Variants in RASIP1 observed in about 807,000 individuals in gnomAD.
The protein encoded by RASIP1 is Ras interacting protein 1.
Under a neutral mutation model 85.3 loss-of-function variants are expected in RASIP1, and 20 were observed. That is an observed-to-expected ratio of 0.23 (90% CI 0.17 to 0.34). RASIP1 has a LOEUF of 0.34. RASIP1 is among the 10% of genes least tolerant of loss of function. RASIP1 has a pLI of 1.00. For missense variants in RASIP1, 1,170 were observed against 1,390.9 expected (o/e 0.84, Z 2.53); for synonymous variants, 617 against 647.1 (o/e 0.95, Z 0.71).
rs537989936 is a variant in RASIP1 at position 48,736,154 on chromosome 19, G to A, written c.824-603C>T. ...ATTTAGGCCGGGTGCGGTGGCTCACGCGTGTAATCCCAGCACTTTGGGAGG... is the reference window on the plus strand; with the variant it reads ...ATTTAGGCCGGGTGCGGTGGCTCACACGTGTAATCCCAGCACTTTGGGAGG... On this transcript the variant is annotated intron_variant, in intron 3 of 11. Coordinates refer to ENST00000222145, the MANE Select transcript of RASIP1 (RefSeq NM_017805.3). Among the ~76,000 whole-genome samples the A allele has an allele frequency of 6.6e-5, 10 of 151,514 alleles. No individual in the cohort carries two copies. In the South Asian group the frequency reaches 1.9e-3, roughly 28 times the overall value.
At position 48,729,370 on chromosome 19, in the gene RASIP1, C is replaced by T. The variant is rs1194995870; in HGVS notation, c.1400G>A (p.Arg467Gln). 1 of 1,557,608 alleles carries T rather than the reference C, an allele frequency of 6.4e-7. No individual in the cohort carries two copies. The highest frequency in any genetic ancestry group is 8.7e-7 in the Non-Finnish European group (1 of 1,151,246). ...PVTHNGCLLL[R>Q]EAELHPGDLL... ...GTCGCCCGGGTGCAGCTCAGCCTCC[C>T]GCAGCAGGAGGCACCCGTTGTGCGT... Residue 467 changes from arginine to glutamine, a missense_variant, in exon 5 of 12, where the codon CGG becomes CAG. By Grantham distance (43) the Arg-to-Gln change is conservative (BLOSUM62 1). Transcript: ENST00000222145.
chr19:48,721,356 G>T (rs934109552), intron 11 of RASIP1, among the ~76,000 whole-genome samples: 1 of 152,090 alleles, frequency 6.6e-6, no homozygotes, highest in South Asian at 2.1e-4. Context: ...ATGGACTAGG[G>T]ATGCGAACCC....
In RASIP1 at chr19:48,720,868, A is replaced by C; in HGVS notation, c.2822T>G (p.Leu941Arg). ...HRELRRLRRL[L>R]WDLEQQELPA... Reference sequence around the variant, plus strand: ...CAGCTCCTGCTGCTCAAGATCCCAGAGGAGGCGGCGGAGCCTACGGAGTTC... The same window carrying C: ...CAGCTCCTGCTGCTCAAGATCCCAGCGGAGGCGGCGGAGCCTACGGAGTTC... The change falls in exon 12 of 12, where the codon CTC becomes CGC. Residue 941 changes from leucine (L) to arginine (R), a missense_variant. Leu to Arg is a moderately radical substitution (Grantham distance 102). Transcript: ENST00000222145. 1 of 1,614,076 alleles carries C rather than the reference A, an allele frequency of 6.2e-7. No homozygotes were observed. Among genetic ancestry groups the C allele is most frequent in the South Asian group, 1.1e-5 (1 of 91,090 alleles).
At chr19:48,731,414 A>G (rs1182963382) in intron 4 of RASIP1, among the ~76,000 whole-genome samples, 1 of 152,184 alleles carries the variant, frequency 6.6e-6, no homozygotes, top group African/African-American at 2.4e-5. Context: ...GACGTTCTCA[A>G]TATTCCAATC....
Position 48,724,640 on chromosome 19 carries a change from C to A in RASIP1, c.2371+77G>T. On this transcript the variant is annotated intron_variant, in intron 9 of 11. Coordinates refer to ENST00000222145, the MANE Select transcript of RASIP1 (RefSeq NM_017805.3). This position sits in a 1 kb window ranked among gnomAD's most constrained non-coding sequence, Gnocchi z 4.6. The stretch of plus-strand genomic sequence containing the variant: ...GGGTACCCAAAGGTGAGGCTTGAGC[C>A]CGTGGTGTGTCTAATATGACCTGAG... 1 of 1,589,150 alleles carries A rather than the reference C, an allele frequency of 6.3e-7. No individual in the cohort carries two copies. Among genetic ancestry groups the A allele is most frequent in the Non-Finnish European group, 8.6e-7 (1 of 1,165,210 alleles).
In RASIP1 at chr19:48,739,186, C is replaced by T; in HGVS notation, c.597G>A (p.Val199=). The stretch of plus-strand genomic sequence containing the variant: ...GAGCGTCGCACAAAGCGAAGGCGTC[C>T]ACGCAGCTGCTCTCGCCGGGGCCAC... ...PGGGPGESSC[V]DAFALCDALG... is the part of the protein sequence containing the mutation. Residue 199 remains valine (V), a synonymous_variant, in exon 3 of 12, where the codon GTG becomes GTA. Coordinates refer to ENST00000222145, the MANE Select transcript of RASIP1 (RefSeq NM_017805.3). The surrounding 1 kb of genome is among the most constrained non-coding windows in gnomAD (Gnocchi z 9.2). 6.8e-7 allele frequency: 1 copy of T among 1,471,866 alleles called. No individual in the cohort carries two copies. Among genetic ancestry groups the T allele is most frequent in the South Asian group, 1.3e-5 (1 of 77,780 alleles). The allele number at this position is 1,471,866 out of a possible 1,614,324, so 91.2% of individuals were successfully genotyped here.
At chr19:48,727,682 CTTTTTTT>C (rs778318979) in intron 5 of RASIP1, among the ~76,000 whole-genome samples, 2 of 121,800 alleles carry the variant, frequency 1.6e-5, no homozygotes, top group African/African-American at 2.9e-5. Context: ...CATACGGATT[CTTTTTTT>C]TTTTTTTTTT....
At chr19:48,729,922 C>G (rs1474763312) in intron 4 of RASIP1, among the ~76,000 whole-genome samples, 1 of 151,860 alleles carries the variant, frequency 6.6e-6, no homozygotes, top group Non-Finnish European at 1.5e-5. Context: ...ACCATGTTGG[C>G]CAGGCTGGTC....
At position 48,721,881 on chromosome 19, in the gene RASIP1, G is replaced by A. The variant is rs750193414; in HGVS notation, c.2665C>T (p.Pro889Ser). The A allele has an allele frequency of 3.5e-5, 56 of 1,607,174 alleles. No individual in the cohort carries two copies. The highest frequency in any genetic ancestry group is 6.6e-5 in the South Asian group (6 of 90,570). ...GTGTCCACAGCCTCCCGCTCTGCAGGGGGAGGGTCCCACGCGGCTGGCGGC... is the reference window on the plus strand; with the variant it reads ...GTGTCCACAGCCTCCCGCTCTGCAGAGGGAGGGTCCCACGCGGCTGGCGGC... ...RGPPAAWDPP[P>S]AEREAVDTGD... Residue 889 changes from proline to serine, a missense_variant, in exon 11 of 12, where the codon CCT (proline) becomes TCT (serine). By Grantham distance (74) the Pro-to-Ser change is moderately conservative. Transcript: ENST00000222145.
intron 8 of RASIP1, 77 bp from the exon 9 acceptor site, chr19:48,725,037 T>C (rs1262457210): frequency 3.9e-6 from 6 of 1,525,408 alleles, no homozygotes; most frequent in Non-Finnish European, 5.3e-6. Context: ...AGCATGAAGA[T>C]AGTGGGGAGC....
At chr19:48,737,462 C>T (rs2122481866) in intron 3 of RASIP1, 1 of 985,430 alleles carries the variant, frequency 1.0e-6, no homozygotes, top group East Asian at 1.1e-4. Flanking sequence ...CCTTCTGTTC[C>T]AGGCCTTCCT....
At chr19:48,737,869 A>G (rs1245483279) in intron 3 of RASIP1, 1 of 983,242 alleles carries the variant, frequency 1.0e-6, no homozygotes, top group Non-Finnish European at 1.2e-6. Context: ...TCCCAAGAAC[A>G]TTGTCCGTGC....
In RASIP1 at chr19:48,724,474, C is replaced by T. The variant is rs752029089; in HGVS notation, c.2407G>A (p.Val803Ile). The change falls in exon 10 of 12, where the codon GTT (valine) becomes ATT (isoleucine). Residue 803 changes from valine to isoleucine, a missense_variant. Physicochemically the swap from Val to Ile is conservative, Grantham distance 29 (BLOSUM62 3). This residue lies in a region of RASIP1 where 426 missense variants were observed against 576.2 expected (regional missense o/e 0.74). Transcript: ENST00000222145. The surrounding 1 kb of genome is among the most constrained non-coding windows in gnomAD (Gnocchi z 4.6). ...AGGTCCAGGTTGGTTCGGATTTGAACAGCTCGGGACCATTGATAGAAAGGC... is the reference window on the plus strand; with the variant it reads ...AGGTCCAGGTTGGTTCGGATTTGAATAGCTCGGGACCATTGATAGAAAGGC... ...GRPFYQWSRA[V>I]QIRTNLDLVL... The T allele has an allele frequency of 1.2e-6, 2 of 1,614,158 alleles. No individual in the cohort carries two copies. The highest frequency in any genetic ancestry group is 4.5e-5 in the East Asian group (2 of 44,880).
chr19:48,723,058 A>T (rs963421348), intron 10 of RASIP1, among the ~76,000 whole-genome samples: 3 of 151,918 alleles, frequency 2.0e-5, no homozygotes, highest in African/African-American at 4.8e-5. Flanking sequence ...GCTAATTTTT[A>T]AAATTTTTGG....
chr19:48,727,293 C>T, intron 6 of RASIP1, 100 bp downstream of exon 6: 1 of 1,543,702 alleles, frequency 6.5e-7, no homozygotes, highest in Non-Finnish European at 8.8e-7. Context: ...CAAGGAGAAG[C>T]AGAAACTTGC....
chr19:48,726,483 C>T lies in RASIP1; in HGVS notation c.2127+302G>A, dbSNP rs111892853. On this transcript the variant is annotated intron_variant, in intron 8 of 11. Transcript: ENST00000222145. ...TCAAGTGATCCACCCGCCTTGACCTCCCAAAGTGCCGGGATTACAGATGTG... is the reference window on the plus strand; with the variant it reads ...TCAAGTGATCCACCCGCCTTGACCTTCCAAAGTGCCGGGATTACAGATGTG... Among the ~76,000 whole-genome samples the T allele has an allele frequency of 1.8e-3, 276 of 152,314 alleles. 1 individual carries two copies. Among genetic ancestry groups the T allele is most frequent in the African/African-American group, 6.2e-3 (259 of 41,564 alleles).
chr19:48,727,599 A>C (rs2033364233), intron 5 of RASIP1, among the ~76,000 whole-genome samples, 169 bp from the exon 6 acceptor site: 2 of 151,724 alleles, frequency 1.3e-5, no homozygotes, highest in South Asian at 4.2e-4. Flanking sequence ...CTGAGCTCAA[A>C]TGATCCTCCC....
chr19:48,730,049 C>G (rs937865719), intron 4 of RASIP1, among the ~76,000 whole-genome samples: 3 of 152,092 alleles, frequency 2.0e-5, no homozygotes, highest in Non-Finnish European at 2.9e-5. Context: ...CCAAGGAGAT[C>G]TGGATCTCAA....
rs1330956378 is a variant in RASIP1, at chr19:48,728,967, G to A, written c.1803C>T (p.Arg601=). ...ELGHLPRLLG[R]LARLIKEAVW... ...CGGCCTCCTTGATGAGCCGGGCCAG[G>A]CGGCCCAGCAGTCGTGGCAGGTGGC... Residue 601 remains arginine, a synonymous_variant, in exon 5 of 12, where the codon CGC becomes CGT. Coordinates refer to ENST00000222145, the MANE Select transcript of RASIP1 (RefSeq NM_017805.3). 6.8e-7 allele frequency: 1 copy of A among 1,461,400 alleles called. No homozygotes were observed. Among genetic ancestry groups the A allele is most frequent in the Non-Finnish European group, 9.0e-7 (1 of 1,115,708 alleles). 90.5% of individuals were successfully genotyped at this position (1,461,400 alleles called of 1,614,324 possible). A position where few individuals can be genotyped will look rare whatever the true frequency, so the allele number is the denominator to read the frequency against.
Sources: allele counts gnomAD v4.1 joint callset (sites outside exome capture counted in the v4.1 genomes callset), GRCh38; gene constraint gnomAD v4.1.1; regional missense constraint gnomAD v4.1.1; non-coding constraint Gnocchi (gnomAD v3.1); transcripts MANE v1.5; gene names NCBI Gene and HGNC (gene_info 2026-07-23, HGNC 2026-07-21).